Variants in SPTLC3 observed in about 807,000 individuals in gnomAD.
The protein encoded by SPTLC3 is serine palmitoyltransferase long chain base subunit 3.
Under a neutral mutation model 59.3 loss-of-function variants are expected in SPTLC3, and 36 were observed. The observed-to-expected ratio is 0.61, with a 90% CI of 0.47 to 0.80. The LOEUF (loss-of-function observed/expected upper bound fraction) is 0.80, where lower values mean the gene tolerates loss of function less well. Ranked by LOEUF, SPTLC3 falls within the 30% of genes least tolerant of loss-of-function variation. SPTLC3 has a pLI of 0.00. For synonymous variants in SPTLC3, 257 were observed against 240.8 expected (o/e 1.07, Z -0.62); for missense variants, 625 against 685.1 (o/e 0.91, Z 0.98).
chr20:13,163,592 A>G (rs1398814850), intron 11 of SPTLC3, among the ~76,000 whole-genome samples: 1 of 152,100 alleles, frequency 6.6e-6, no homozygotes, highest in East Asian at 1.9e-4. Context: ...GATGTAGGAA[A>G]TTTAGAAAAA....
chr20:13,155,246 T>C lies in SPTLC3; in HGVS notation c.1415+1108T>C, dbSNP rs540476502. Reference sequence around the variant, plus strand: ...AAGGTAAAATGTTTATTTTTATCTCTGACCAAGCACATGATAGAAATTCAT... The same window carrying C: ...AAGGTAAAATGTTTATTTTTATCTCCGACCAAGCACATGATAGAAATTCAT... On this transcript the variant is annotated intron_variant, in intron 10 of 11. Coordinates refer to ENST00000399002, the MANE Select transcript of SPTLC3 (RefSeq NM_018327.4). 2.2e-3 allele frequency among the ~76,000 whole-genome samples: 336 copies of C among 152,288 alleles called. 1 individual carries two copies. Among genetic ancestry groups the C allele is most frequent in the Non-Finnish European group, 3.6e-3 (242 of 68,014 alleles).
chr20:13,087,022 C>G (rs976193886), intron 4 of SPTLC3, among the ~76,000 whole-genome samples: 1 of 152,114 alleles, frequency 6.6e-6, no homozygotes, highest in Non-Finnish European at 1.5e-5. Flanking sequence ...TCTCAGACTC[C>G]TGACTTCAAG....
At chr20:13,065,394 T>G (rs1988163192) in intron 2 of SPTLC3, among the ~76,000 whole-genome samples, 1 of 151,758 alleles carries the variant, frequency 6.6e-6, no homozygotes, top group South Asian at 2.1e-4. Flanking sequence ...TTACCTTCTA[T>G]TATTATTTAT....
Position 13,072,294 on chromosome 20 carries a change from T to C in SPTLC3, c.342T>C (p.Tyr114=). Residue 114 remains tyrosine (Y), a synonymous_variant, in exon 3 of 12, where the codon TAT becomes TAC. Coordinates refer to ENST00000399002, the MANE Select transcript of SPTLC3 (RefSeq NM_018327.4). ...VPLYQDFENF[Y]TRNLYMRIRD... is the part of the protein sequence containing the mutation. ...TGTATCAAGACTTTGAAAATTTTTA[T>C]ACAAGAAACCTTTACATGCGAATCA... The C allele has an allele frequency of 6.2e-7, 1 of 1,613,910 alleles. No homozygotes were observed. The highest frequency in any genetic ancestry group is 8.5e-7 in the Non-Finnish European group (1 of 1,179,880).
At chr20:13,101,293 A>T (rs1221667109) in intron 6 of SPTLC3, among the ~76,000 whole-genome samples, 2 of 152,194 alleles carry the variant, frequency 1.3e-5, no homozygotes, top group African/African-American at 4.8e-5. Flanking sequence ...TATAGGCAGG[A>T]TGTGCACAGC....
intron 4 of SPTLC3, among the ~76,000 whole-genome samples, chr20:13,085,826 C>T (rs1175640250): frequency 6.6e-6 from 1 of 152,092 alleles, no homozygotes; most frequent in Non-Finnish European, 1.5e-5. Context: ...AAATGTGGCA[C>T]TTGGCACATG....
At chr20:13,056,786 G>C (rs1987750070) in intron 2 of SPTLC3, among the ~76,000 whole-genome samples, 1 of 147,074 alleles carries the variant, frequency 6.8e-6, no homozygotes. Context: ...CTGTCAAACA[G>C]GATGGAGTGC....
chr20:13,056,745 T>A (rs1191286935), intron 2 of SPTLC3, among the ~76,000 whole-genome samples: 21 of 149,476 alleles, frequency 1.4e-4, no homozygotes, highest in Non-Finnish European at 2.7e-4. Flanking sequence ...CTTAATCTTT[T>A]TTTTTTTTTT....
chr20:13,085,348 C>G (rs1988971735), intron 4 of SPTLC3, among the ~76,000 whole-genome samples: 2 of 152,098 alleles, frequency 1.3e-5, no homozygotes, highest in African/African-American at 4.8e-5. Context: ...GCTTTTGAAG[C>G]ATGAACTCCA....
chr20:13,141,426 A>G (rs989485250), intron 9 of SPTLC3, among the ~76,000 whole-genome samples: 18 of 152,190 alleles, frequency 1.2e-4, no homozygotes, highest in African/African-American at 4.3e-4. Flanking sequence ...AAATCTTCTC[A>G]CATTTCTCAG....
At chr20:13,091,950 C>T (rs1341506306) in intron 5 of SPTLC3, among the ~76,000 whole-genome samples, 1 of 152,080 alleles carries the variant, frequency 6.6e-6, no homozygotes, top group Admixed American at 6.6e-5. Flanking sequence ...ATGAACAAGA[C>T]CTATGTATTT....
intron 1 of SPTLC3, among the ~76,000 whole-genome samples, chr20:13,016,827 TA>T (rs1235544215): frequency 6.6e-6 from 1 of 152,168 alleles, no homozygotes; most frequent in East Asian, 1.9e-4. Context: ...TAATAATCTT[TA>T]ACATGTCTTG....
At chr20:13,061,233 A>G (rs965398353) in intron 2 of SPTLC3, among the ~76,000 whole-genome samples, 1 of 152,148 alleles carries the variant, frequency 6.6e-6, no homozygotes, top group Admixed American at 6.5e-5. Context: ...TTTGTCTTCG[A>G]AGCATCTTTC....
chr20:13,095,188 C>A (rs557714420), intron 6 of SPTLC3, among the ~76,000 whole-genome samples: 1 of 152,280 alleles, frequency 6.6e-6, no homozygotes, highest in Admixed American at 6.5e-5. Flanking sequence ...TGATCAAAGG[C>A]TCTGCCTACT....
chr20:13,056,420 C>T (rs1261838035), intron 2 of SPTLC3, among the ~76,000 whole-genome samples: 2 of 151,630 alleles, frequency 1.3e-5, no homozygotes, highest in African/African-American at 2.4e-5. Context: ...ACTTGATCTC[C>T]CAACCCTGTC....
chr20:13,059,522 C>T (rs1987867051), intron 2 of SPTLC3, among the ~76,000 whole-genome samples: 1 of 152,224 alleles, frequency 6.6e-6, no homozygotes. Context: ...TCCCCTTTCA[C>T]ATGCACAGCT....
At chr20:13,150,901 C>T (rs1232773875) in intron 9 of SPTLC3, among the ~76,000 whole-genome samples, 1 of 152,144 alleles carries the variant, frequency 6.6e-6, no homozygotes, top group South Asian at 2.1e-4. Flanking sequence ...GTTCATTCAT[C>T]ATTTATTGAT....
intron 7 of SPTLC3, among the ~76,000 whole-genome samples, chr20:13,113,595 G>A (rs1990365217): frequency 6.6e-6 from 1 of 152,158 alleles, no homozygotes; most frequent in Non-Finnish European, 1.5e-5. Flanking sequence ...ATATAGAGGA[G>A]TCAGGATTTG....
chr20:13,101,039 T>A (rs1265133795), intron 6 of SPTLC3, among the ~76,000 whole-genome samples: 1 of 152,174 alleles, frequency 6.6e-6, no homozygotes, highest in Non-Finnish European at 1.5e-5. Flanking sequence ...CATGGTGCAT[T>A]GTCAAGCAAG....
Sources: allele counts gnomAD v4.1 joint callset (sites outside exome capture counted in the v4.1 genomes callset), GRCh38; gene constraint gnomAD v4.1.1; transcripts MANE v1.5; gene names NCBI Gene and HGNC (gene_info 2026-07-23, HGNC 2026-07-21).